The following SPATS2 variants were observed in gnomAD, a reference collection of about 807,000 sequenced individuals.
SPATS2 encodes spermatogenesis-associated serine-rich protein 2.
In SPATS2, 38 loss-of-function variants were observed where a neutral mutation model predicts 63.7. The observed-to-expected ratio is 0.60, with a 90% CI of 0.46 to 0.78. The LOEUF is 0.78. SPATS2 is among the 30% of genes least tolerant of loss of function. The probability of loss-of-function intolerance (pLI) is 0.00; values close to 1 mark genes in which losing one functional copy is unlikely to be tolerated. For synonymous variants in SPATS2, 207 were observed against 232.9 expected (o/e 0.89, Z 1.01); for missense variants, 588 against 666.2 (o/e 0.88, Z 1.29).
intron 11 of SPATS2, 67 bp downstream of exon 11, chr12:49,519,249 A>G: frequency 8.0e-7 from 1 of 1,253,762 alleles, no homozygotes; most frequent in Non-Finnish European, 1.1e-6. Flanking sequence ...AATTTTCATA[A>G]TTCATGGCCA....
rs200315994 is a variant in SPATS2 at position 49,494,968 on chromosome 12, C to T, written c.492C>T (p.Pro164=). 6 of 1,613,132 alleles carry T rather than the reference C, an allele frequency of 3.7e-6. No homozygotes were observed. Among genetic ancestry groups the T allele is most frequent in the East Asian group, 2.2e-5 (1 of 44,870 alleles). ...TAGATGCCAGAGAATTGGAGGATCC[C>T]GAGTCTGCCATGCTAGATACGCTGG... is the stretch of plus-strand genomic sequence containing the variant. ...LSIDARELED[P]ESAMLDTLDR... is the part of the protein sequence containing the mutation. The change falls in exon 7 of 14, where the codon CCC becomes CCT. Residue 164 remains proline (P), a synonymous_variant. Coordinates refer to ENST00000552918, the MANE Select transcript of SPATS2 (RefSeq NM_023071.4).
At chr12:49,516,490 G>T (rs1015895562) in intron 10 of SPATS2, among the ~76,000 whole-genome samples, 2 of 151,568 alleles carry the variant, frequency 1.3e-5, no homozygotes, top group Non-Finnish European at 2.9e-5. Context: ...GGCTGATCAC[G>T]AGGTCAAGAG....
Position 49,518,210 on chromosome 12 carries a change from G to C in SPATS2, c.899-863G>C, listed in dbSNP as rs189318192. ...GAAAAGCAATGATCAAATCTTGCTG[G>C]ATGGGAAGGAATAGCAGAGTCCCTT... On this transcript the variant is annotated intron_variant, in intron 10 of 13. Transcript: ENST00000552918. Among the ~76,000 whole-genome samples the C allele has an allele frequency of 1.4e-3, 214 of 152,322 alleles. 1 individual carries two copies. The highest frequency in any genetic ancestry group is 2.4e-3 in the Non-Finnish European group (162 of 68,032).
chr12:49,444,117 G>C (rs987574719), intron 2 of SPATS2, among the ~76,000 whole-genome samples: 1 of 152,070 alleles, frequency 6.6e-6, no homozygotes, highest in African/African-American at 2.4e-5. Context: ...TATTCATTTA[G>C]ATCTTTAATT....
intron 8 of SPATS2, among the ~76,000 whole-genome samples, chr12:49,499,293 A>G (rs1435421637): frequency 1.3e-5 from 2 of 152,130 alleles, no homozygotes; most frequent in African/African-American, 2.4e-5. Flanking sequence ...TATCCTTCCA[A>G]CTACTCTGCC....
chr12:49,409,344 C>G (rs1944753853), intron 2 of SPATS2, among the ~76,000 whole-genome samples: 1 of 152,024 alleles, frequency 6.6e-6, no homozygotes, highest in South Asian at 2.1e-4. Flanking sequence ...CTCGCTCTGT[C>G]ACCCAGGCTG....
intron 2 of SPATS2, among the ~76,000 whole-genome samples, chr12:49,446,917 A>G (rs75957449): frequency 0.055 from 8,170 of 149,294 alleles, 470 homozygotes; most frequent in African/African-American, 0.14. Context: ...ATGTTCTTCT[A>G]TTTTCTTTTC....
At chr12:49,378,558 A>G (rs1246656055) in intron 2 of SPATS2, among the ~76,000 whole-genome samples, 1 of 152,086 alleles carries the variant, frequency 6.6e-6, no homozygotes, top group African/African-American at 2.4e-5. Context: ...TGGCCTCCCA[A>G]AGTGCTGGGA....
intron 2 of SPATS2, among the ~76,000 whole-genome samples, chr12:49,400,998 A>G (rs1944595708): frequency 6.6e-6 from 1 of 152,014 alleles, no homozygotes; most frequent in Non-Finnish European, 1.5e-5. Flanking sequence ...TCAGCCTCCC[A>G]AGTAGCTGGG....
intron 3 of SPATS2, among the ~76,000 whole-genome samples, chr12:49,475,796 T>A (rs1467892574): frequency 6.6e-6 from 1 of 152,180 alleles, no homozygotes; most frequent in Admixed American, 6.5e-5. Flanking sequence ...GAATTTTTTT[T>A]AAAACTGCAT....
intron 2 of SPATS2, among the ~76,000 whole-genome samples, chr12:49,456,119 G>A (rs1344387895): frequency 6.6e-6 from 1 of 152,136 alleles, no homozygotes; most frequent in Admixed American, 6.6e-5. Context: ...AGCCCCCTCT[G>A]TCAGTGAAGC....
At chr12:49,396,208 T>C (rs1592357307) in intron 2 of SPATS2, among the ~76,000 whole-genome samples, 2 of 152,342 alleles carry the variant, frequency 1.3e-5, no homozygotes, top group South Asian at 4.1e-4. Flanking sequence ...AACGTAGGAA[T>C]GAAAATACCC....
chr12:49,451,326 TGTCTG>T (rs1198524285), intron 2 of SPATS2, among the ~76,000 whole-genome samples: 2 of 152,288 alleles, frequency 1.3e-5, no homozygotes, highest in South Asian at 2.1e-4. Flanking sequence ...TCTTAGTACT[TGTCTG>T]GTCATTATAA....
chr12:49,522,668 G>A (rs1565764228), intron 11 of SPATS2, 83 bp from the exon 12 acceptor site: 1 of 1,089,150 alleles, frequency 9.2e-7, no homozygotes, highest in Non-Finnish European at 1.3e-6. Context: ...AATTGAAAAT[G>A]ATTGTTTAAT....
At chr12:49,476,618 G>C (rs1242479687) in intron 3 of SPATS2, among the ~76,000 whole-genome samples, 1 of 152,166 alleles carries the variant, frequency 6.6e-6, no homozygotes, top group African/African-American at 2.4e-5. Context: ...GACACTGCCT[G>C]TCCGTATGCT....
chr12:49,468,817 G>A (rs1204157908), intron 3 of SPATS2, among the ~76,000 whole-genome samples: 1 of 152,130 alleles, frequency 6.6e-6, no homozygotes, highest in Admixed American at 6.5e-5. Flanking sequence ...CTGAGCTATA[G>A]AACTTTTGAG....
chr12:49,415,964 C>T (rs1277486091), intron 2 of SPATS2, among the ~76,000 whole-genome samples: 1 of 151,726 alleles, frequency 6.6e-6, no homozygotes, highest in Admixed American at 6.6e-5. Flanking sequence ...TTGGCTTACA[C>T]TCTCAAGGCC....
intron 2 of SPATS2, among the ~76,000 whole-genome samples, chr12:49,432,131 G>A (rs544836810): frequency 1.3e-5 from 2 of 152,166 alleles, no homozygotes; most frequent in African/African-American, 2.4e-5. Context: ...CCACACCTCA[G>A]TACCTGTGTG....
At chr12:49,453,218 A>G (rs184721441) in intron 2 of SPATS2, among the ~76,000 whole-genome samples, 1 of 151,000 alleles carries the variant, frequency 6.6e-6, no homozygotes, top group East Asian at 1.9e-4. Context: ...ATTTGGGCCT[A>G]CTCGGGGGCA....
Sources: gnomAD v4.1 joint callset for allele counts (sites outside exome capture counted in the v4.1 genomes callset) on GRCh38, gnomAD v4.1.1 for gene constraint, MANE v1.5 for transcripts, NCBI Gene and HGNC (gene_info 2026-07-23, HGNC 2026-07-21) for gene names.